The following PCDH9 variants were observed in gnomAD, a reference collection of about 807,000 sequenced individuals.
The protein encoded by PCDH9 is protocadherin 9.
PCDH9 carries 24 observed loss-of-function variants against 70.6 expected under a neutral mutation model. That is an observed-to-expected ratio of 0.34 (90% CI 0.25 to 0.48). The LOEUF (loss-of-function observed/expected upper bound fraction) is 0.48. Among genes scored for constraint, PCDH9 ranks in the 20% least tolerant of loss-of-function variants. The pLI is 0.99. For synonymous variants in PCDH9, 562 were observed against 558.5 expected, an observed-to-expected ratio of 1.01 and a Z score of -0.09; for missense variants, 1,281 against 1,503.6, an observed-to-expected ratio of 0.85 and a Z score of 2.45.
intron 3 of PCDH9, among the ~76,000 whole-genome samples, chr13:66,849,438 A>G (rs951818015): frequency 7.3e-5 from 11 of 150,054 alleles, no homozygotes; most frequent in African/African-American, 2.5e-4. Flanking sequence ...ATATGACTAT[A>G]TATGACTATA....
chr13:67,144,575 C>T (rs966263722), intron 2 of PCDH9, among the ~76,000 whole-genome samples: 1 of 152,108 alleles, frequency 6.6e-6, no homozygotes, highest in East Asian at 1.9e-4. Context: ...AACTACCAAA[C>T]TGATATTGAA....
Position 67,225,493 on chromosome 13 carries a change from C to A in PCDH9, c.2948G>T (p.Arg983Leu), listed in dbSNP as rs1198461208. Residue 983 changes from arginine (R) to leucine (L), a missense_variant, in exon 2 of 5, where the codon CGC (arginine) becomes CTC (leucine). By Grantham distance (102) the Arg-to-Leu change is moderately radical (BLOSUM62 -2). Transcript: ENST00000377865. ...FVGGCDTLSK[R>L]SSTSSDHFSA... ...GAAGTGATCTGAACTAGTGGAAGAG[C>A]GTTTAGAAAGGGTGTCACAACCCCC... 1.2e-6 allele frequency: 2 copies of A among 1,613,952 alleles called. No homozygotes were observed. Among genetic ancestry groups the A allele is most frequent in the Non-Finnish European group, 1.7e-6 (2 of 1,179,862 alleles).
At chr13:66,492,831 C>T (rs73511744) in intron 4 of PCDH9, among the ~76,000 whole-genome samples, 9,023 of 152,044 alleles carry the variant, frequency 0.059, 334 homozygotes, top group South Asian at 0.15. Flanking sequence ...ATTTCTCTGG[C>T]GAATACATGA....
rs1566487715 is a variant in PCDH9 at position 66,659,539 on chromosome 13, T to TTTTGTGTGTGTGTGTGTGTG, written c.3139-28129_3139-28128insCACACACACACACACACAAA. Among the ~76,000 whole-genome samples, 6 of 30,288 alleles carry TTTTGTGTGTGTGTGTGTGTG rather than the reference T, an allele frequency of 2.0e-4. 1 individual carries two copies. In the South Asian group the frequency reaches 3.1e-3, roughly 15 times the overall value. 19.9% of individuals were successfully genotyped at this position (30,288 alleles called of 152,430 possible). On this transcript the variant is annotated intron_variant, in intron 3 of 4. Coordinates refer to ENST00000377865, the MANE Select transcript of PCDH9 (RefSeq NM_203487.3). ...GTTTATCCCTCCACTTAAGTTATGT[T>TTTTGTGTGTGTGTGTGTGTG]TGTGTGTGTGTGTTTGTGTGTGTTT... is the stretch of plus-strand genomic sequence containing the variant.
At chr13:66,792,454 G>A (rs1009892364) in intron 3 of PCDH9, among the ~76,000 whole-genome samples, 2 of 151,810 alleles carry the variant, frequency 1.3e-5, no homozygotes, top group African/African-American at 4.9e-5. Context: ...CAGATCACCT[G>A]AGGTCAGGAG....
chr13:66,790,546 C>T (rs921041784), intron 3 of PCDH9, among the ~76,000 whole-genome samples: 28 of 151,918 alleles, frequency 1.8e-4, no homozygotes, highest in African/African-American at 6.8e-4. Context: ...ATTTGTTTTG[C>T]ATTATATATT....
chr13:66,984,903 G>T (rs1198608413), intron 2 of PCDH9, among the ~76,000 whole-genome samples: 1 of 151,296 alleles, frequency 6.6e-6, no homozygotes, highest in Admixed American at 6.6e-5. Flanking sequence ...TTGTTTATAT[G>T]TGTGGACCCC....
chr13:67,173,492 G>A (rs911728742), intron 2 of PCDH9, among the ~76,000 whole-genome samples: 1 of 152,012 alleles, frequency 6.6e-6, no homozygotes, highest in African/African-American at 2.4e-5. Context: ...TCAGTACTTA[G>A]CTCCATTTTC....
chr13:67,139,820 G>A lies in PCDH9; in HGVS notation c.3036+85585C>T, dbSNP rs12865366. On this transcript the variant is annotated intron_variant, in intron 2 of 4. Coordinates refer to ENST00000377865, the MANE Select transcript of PCDH9 (RefSeq NM_203487.3). Reference sequence around the variant, plus strand: ...TCATTATGTTTTCATTAAGTCCAAAGCAGTTCACATCAGCTGACATTTGGT... The same window carrying A: ...TCATTATGTTTTCATTAAGTCCAAAACAGTTCACATCAGCTGACATTTGGT... 8.4e-3 allele frequency among the ~76,000 whole-genome samples: 1,273 copies of A among 152,222 alleles called. 8 individuals are homozygous for A. Among genetic ancestry groups the A allele is most frequent in the Non-Finnish European group, 0.012 (844 of 68,004 alleles).
chr13:66,379,470 T>A (rs985125961), intron 4 of PCDH9, among the ~76,000 whole-genome samples: 3 of 152,214 alleles, frequency 2.0e-5, no homozygotes, highest in Admixed American at 6.5e-5. Flanking sequence ...CTGGGGTTAT[T>A]TCTTGAGTGG....
intron 4 of PCDH9, among the ~76,000 whole-genome samples, chr13:66,564,279 C>T (rs1463120476): frequency 2.0e-5 from 3 of 152,046 alleles, no homozygotes; most frequent in Non-Finnish European, 4.4e-5. Flanking sequence ...ATCTTCCCAC[C>T]TTAGCCTTTC....
intron 2 of PCDH9, among the ~76,000 whole-genome samples, chr13:67,112,452 T>C (rs1184355591): frequency 6.6e-6 from 1 of 152,156 alleles, no homozygotes; most frequent in Non-Finnish European, 1.5e-5. Flanking sequence ...TACATTGTTT[T>C]ATTTCACTCT....
chr13:66,948,613 G>A (rs1408491394), intron 2 of PCDH9, among the ~76,000 whole-genome samples: 3 of 151,856 alleles, frequency 2.0e-5, no homozygotes, highest in South Asian at 2.1e-4. Flanking sequence ...TCAGAATGTA[G>A]GGAAAAATGA....
In PCDH9 at chr13:67,228,386, C is replaced by T; in HGVS notation, c.55G>A (p.Asp19Asn). Residue 19 changes from aspartate to asparagine, a missense_variant, in exon 2 of 5, where the codon GAT becomes AAT. Asp to Asn is a conservative substitution (Grantham distance 23). This residue lies in a region of PCDH9 where 798 missense variants were observed against 1,003.1 expected (regional missense o/e 0.80). Coordinates refer to ENST00000377865, the MANE Select transcript of PCDH9 (RefSeq NM_203487.3). ...LAALIACLRL[D>N]SAIAQELIYT... Reference sequence around the variant, plus strand: ...ATAAGTTCTTGAGCTATTGCGGAATCCAGCCTTAAACAGGCAATCAGAGCA... The same window carrying T: ...ATAAGTTCTTGAGCTATTGCGGAATTCAGCCTTAAACAGGCAATCAGAGCA... The T allele has an allele frequency of 6.2e-7, 1 of 1,611,730 alleles. No individual in the cohort carries two copies. The highest frequency in any genetic ancestry group is 8.5e-7 in the Non-Finnish European group (1 of 1,179,010).
intron 3 of PCDH9, among the ~76,000 whole-genome samples, chr13:66,799,916 C>T (rs1022668131): frequency 1.3e-5 from 2 of 152,044 alleles, no homozygotes; most frequent in African/African-American, 4.8e-5. Flanking sequence ...CCACTACATC[C>T]ATCATACCAT....
intron 4 of PCDH9, among the ~76,000 whole-genome samples, chr13:66,597,364 T>C (rs1335760304): frequency 6.6e-6 from 1 of 151,786 alleles, no homozygotes. Context: ...AACAGGATGG[T>C]ACTGGCATAA....
chr13:66,732,370 C>A (rs2079089959), intron 3 of PCDH9, among the ~76,000 whole-genome samples: 1 of 151,894 alleles, frequency 6.6e-6, no homozygotes, highest in Admixed American at 6.6e-5. Context: ...ACTCAACATA[C>A]TACTATTATC....
At chr13:66,484,991 A>G (rs766883102) in intron 4 of PCDH9, among the ~76,000 whole-genome samples, 3 of 152,174 alleles carry the variant, frequency 2.0e-5, no homozygotes, top group Non-Finnish European at 4.4e-5. Flanking sequence ...AATAAAATGT[A>G]CCTGCAATTT....
At chr13:66,435,061 C>G (rs2044299) in intron 4 of PCDH9, among the ~76,000 whole-genome samples, 1 of 152,080 alleles carries the variant, frequency 6.6e-6, no homozygotes, top group Non-Finnish European at 1.5e-5. Flanking sequence ...CAAGGAAATC[C>G]TAAAGGTGCA....
Sources: allele counts gnomAD v4.1 joint callset (sites outside exome capture counted in the v4.1 genomes callset), GRCh38; gene constraint gnomAD v4.1.1; regional missense constraint gnomAD v4.1.1; transcripts MANE v1.5; gene names NCBI Gene and HGNC (gene_info 2026-07-23, HGNC 2026-07-21).